FCRL5: variants seen among roughly 807,000 people sequenced by gnomAD.
FCRL5 encodes Fc receptor-like protein 5.
Under a neutral mutation model 92.1 loss-of-function variants are expected in FCRL5, and 79 were observed. The observed-to-expected ratio is 0.86, with a 90% CI of 0.72 to 1.03. FCRL5 has a LOEUF of 1.03. Among genes scored for constraint, FCRL5 ranks in the 50% least tolerant of loss-of-function variants. FCRL5 has a pLI of 0.00. For missense variants in FCRL5, 1,160 were observed against 1,181.1 expected, an observed-to-expected ratio of 0.98 and a Z score of 0.26; for synonymous variants, 466 against 469.3, an observed-to-expected ratio of 0.99 and a Z score of 0.09.
At chr1:157,528,030 G>T (rs2101611417) in intron 8 of FCRL5, 135 bp from the exon 9 acceptor site, 1 of 1,016,536 alleles carries the variant, frequency 9.8e-7, no homozygotes, top group African/African-American at 1.6e-5. Flanking sequence ...TCAAATTGTT[G>T]CTGTTCACTG....
intron 9 of FCRL5, among the ~76,000 whole-genome samples, chr1:157,525,369 G>A (rs1293583066): frequency 6.6e-6 from 1 of 152,168 alleles, no homozygotes; most frequent in Non-Finnish European, 1.5e-5. Context: ...GAATAAGACT[G>A]GCACATTTGA....
At chr1:157,525,999 C>T (rs1650409566) in intron 9 of FCRL5, among the ~76,000 whole-genome samples, 1 of 152,056 alleles carries the variant, frequency 6.6e-6, no homozygotes, top group Admixed American at 6.5e-5. Context: ...GATGACAAGG[C>T]CATTTATACA....
At chr1:157,551,958 C>T (rs1571119750) in intron 1 of FCRL5, among the ~76,000 whole-genome samples, 1 of 152,150 alleles carries the variant, frequency 6.6e-6, no homozygotes. Context: ...CCTTGTCATA[C>T]AAGGAATAAA....
At chr1:157,529,243 T>G (rs959207388) in intron 8 of FCRL5, among the ~76,000 whole-genome samples, 3 of 152,162 alleles carry the variant, frequency 2.0e-5, no homozygotes, top group African/African-American at 7.2e-5. Flanking sequence ...AAAACCACAA[T>G]GCGATACCAC....
intron 8 of FCRL5, among the ~76,000 whole-genome samples, chr1:157,529,293 A>G (rs555294389): frequency 7.4e-4 from 113 of 152,332 alleles, no homozygotes; most frequent in African/African-American, 2.5e-3. Context: ...AAAAACAAAA[A>G]ATAATAGATG....
chr1:157,536,034 C>T (rs547013441), intron 7 of FCRL5, among the ~76,000 whole-genome samples: 81 of 137,664 alleles, frequency 5.9e-4, no homozygotes, highest in East Asian at 3.1e-3. Context: ...CTTTGCCTCC[C>T]GAATTCAAGC....
intron 6 of FCRL5, 42 bp from the exon 7 acceptor site, chr1:157,539,406 C>T (rs1230050307): frequency 2.6e-6 from 4 of 1,526,636 alleles, no homozygotes; most frequent in Non-Finnish European, 3.5e-6. Context: ...TTTCTGCCTC[C>T]TGCTGTAGTT....
intron 10 of FCRL5, among the ~76,000 whole-genome samples, chr1:157,523,389 T>A (rs1650287637): frequency 1.3e-5 from 2 of 152,236 alleles, no homozygotes; most frequent in Non-Finnish European, 2.9e-5. Flanking sequence ...CAAAGGATGA[T>A]CATGATTTTC....
intron 12 of FCRL5, 116 bp downstream of exon 12, chr1:157,520,315 G>A (rs139311407): frequency 3.7e-4 from 259 of 704,446 alleles, no homozygotes; most frequent in Non-Finnish European, 5.6e-4. Flanking sequence ...AGGATTGAGG[G>A]ACAGAGCGGA....
At chr1:157,549,921 G>T (rs937131441) in intron 1 of FCRL5, among the ~76,000 whole-genome samples, 2 of 152,038 alleles carry the variant, frequency 1.3e-5, no homozygotes, top group Non-Finnish European at 2.9e-5. Context: ...GGGCAGAAGG[G>T]CCACTAGCCC....
At chr1:157,539,667 T>C (rs1651157870) in intron 6 of FCRL5, among the ~76,000 whole-genome samples, 1 of 152,248 alleles carries the variant, frequency 6.6e-6, no homozygotes, top group Non-Finnish European at 1.5e-5. Flanking sequence ...TGTAAATTGA[T>C]AGCTGATTTT....
At position 157,513,589 on chromosome 1, in the gene FCRL5, T is replaced by C. The variant is rs1649803240; in HGVS notation, c.*2086A>G. 1 of 151,972 alleles carries C rather than the reference T, an allele frequency of 6.6e-6. No homozygotes were observed. The highest frequency in any genetic ancestry group is 2.4e-5 in the African/African-American group (1 of 41,358). 9.4% of individuals were successfully genotyped at this position (151,972 alleles called of 1,614,324 possible). On this transcript the variant is annotated 3_prime_UTR_variant, in exon 17 of 17. Coordinates refer to ENST00000361835, the MANE Select transcript of FCRL5 (RefSeq NM_031281.3). ...CTTATGTCCCAGCCCAAAGCAGGAGTTCCCCCTTACTTGAGGAAGAATAAG... is the reference window on the plus strand; with the variant it reads ...CTTATGTCCCAGCCCAAAGCAGGAGCTCCCCCTTACTTGAGGAAGAATAAG...
At chr1:157,515,966 GGCCC>G (rs1291964600) in intron 15 of FCRL5, 93 bp from the exon 16 acceptor site, 1 of 1,404,002 alleles carries the variant, frequency 7.1e-7, no homozygotes, top group African/African-American at 1.4e-5. Flanking sequence ...GCCTCCTGGA[GGCCC>G]GCTCTCCCTC....
intron 5 of FCRL5, among the ~76,000 whole-genome samples, chr1:157,543,751 G>A (rs896535592): frequency 2.6e-5 from 4 of 152,192 alleles, no homozygotes; most frequent in Admixed American, 1.3e-4. Context: ...ACTAGTAAGG[G>A]AGGTGATGTA....
Position 157,514,573 on chromosome 1 carries a change from A to G in FCRL5, c.*1102T>C, listed in dbSNP as rs1043768871. On this transcript the variant is annotated 3_prime_UTR_variant, in exon 17 of 17. Coordinates refer to ENST00000361835, the MANE Select transcript of FCRL5 (RefSeq NM_031281.3). ...TCTCCATGGGCCTCTGCTGAGACCT[A>G]TAGGGCTTCACATGCATGCAGTGCA... 1 of 152,302 alleles carries G rather than the reference A, an allele frequency of 6.6e-6. No individual in the cohort carries two copies. Among genetic ancestry groups the G allele is most frequent in the African/African-American group, 2.4e-5 (1 of 41,452 alleles). The allele number at this position is 152,302 out of a possible 1,614,324, so 9.4% of individuals were successfully genotyped here.
At chr1:157,520,875 G>C in intron 11 of FCRL5, 142 bp downstream of exon 11, 1 of 1,048,564 alleles carries the variant, frequency 9.5e-7, no homozygotes, top group Non-Finnish European at 1.4e-6. Flanking sequence ...AGCACTTCAG[G>C]AAATATAGCA....
intron 6 of FCRL5, among the ~76,000 whole-genome samples, chr1:157,540,903 C>A (rs1261876041): frequency 2.0e-5 from 3 of 152,132 alleles, no homozygotes; most frequent in Non-Finnish European, 4.4e-5. Context: ...CTAAGCAATT[C>A]ATTGAGGTGG....
intron 8 of FCRL5, chr1:157,534,204 A>C (rs530141811): frequency 1.8e-5 from 9 of 499,228 alleles, no homozygotes; most frequent in South Asian, 1.3e-4. Context: ...GCTTTCTCCA[A>C]ATCTACCATA....
chr1:157,539,004 A>G, intron 7 of FCRL5, 82 bp downstream of exon 7: 1 of 1,414,992 alleles, frequency 7.1e-7, no homozygotes, highest in East Asian at 2.3e-5. Context: ...GGATACTAGA[A>G]GGTACACGCT....
Sources: allele counts gnomAD v4.1 joint callset (sites outside exome capture counted in the v4.1 genomes callset), GRCh38; gene constraint gnomAD v4.1.1; transcripts MANE v1.5; gene names NCBI Gene and HGNC (gene_info 2026-07-23, HGNC 2026-07-21).